Variants in PRIMA1 observed in about 807,000 individuals in gnomAD.
PRIMA1 encodes proline-rich membrane anchor 1.
Under a neutral mutation model 17.5 loss-of-function variants are expected in PRIMA1, and 7 were observed. The ratio of observed to expected loss-of-function variants is 0.40; its 90% CI spans 0.23 to 0.75. PRIMA1 has a LOEUF of 0.75. PRIMA1 is among the 30% of genes least tolerant of loss of function. The pLI, the probability that PRIMA1 is intolerant of heterozygous loss-of-function variation, is 0.37. For missense variants in PRIMA1, 200 were observed against 201.8 expected (o/e 0.99, Z 0.05); for synonymous variants, 97 against 77.9 (o/e 1.25, Z -1.29).
chr14:93,777,215 C>T (rs1408347400), intron 3 of PRIMA1, among the ~76,000 whole-genome samples: 1 of 152,222 alleles, frequency 6.6e-6, no homozygotes, highest in Non-Finnish European at 1.5e-5. Context: ...TTTCAAGCCA[C>T]TGAAGGGCTT....
intron 4 of PRIMA1, among the ~76,000 whole-genome samples, chr14:93,730,135 A>G (rs1005431992): frequency 6.6e-6 from 1 of 152,194 alleles, no homozygotes; most frequent in Non-Finnish European, 1.5e-5. Context: ...CACAGAAACC[A>G]CCACTGACCA....
intron 3 of PRIMA1, among the ~76,000 whole-genome samples, chr14:93,747,813 G>T (rs529279094): frequency 5.3e-5 from 8 of 150,280 alleles, no homozygotes; most frequent in Non-Finnish European, 7.4e-5. Context: ...GACTGAGTGT[G>T]TGGGAGTGTG....
intron 3 of PRIMA1, among the ~76,000 whole-genome samples, chr14:93,741,587 G>A (rs1295338677): frequency 1.3e-5 from 2 of 152,250 alleles, no homozygotes; most frequent in Non-Finnish European, 2.9e-5. Context: ...CTTTACCAGG[G>A]CTGGTGCTAG....
intron 3 of PRIMA1, among the ~76,000 whole-genome samples, chr14:93,752,929 T>C (rs1159316380): frequency 6.6e-6 from 1 of 152,220 alleles, no homozygotes; most frequent in East Asian, 1.9e-4. Context: ...TGGATAGTTC[T>C]TTATGGTTGG....
intron 3 of PRIMA1, among the ~76,000 whole-genome samples, chr14:93,745,378 G>A (rs978626877): frequency 2.0e-5 from 3 of 152,200 alleles, no homozygotes; most frequent in African/African-American, 7.2e-5. Context: ...AGAGTTGTCA[G>A]AGCCCCGGGT....
At chr14:93,782,647 G>A (rs1238709528) in intron 2 of PRIMA1, among the ~76,000 whole-genome samples, 1 of 152,152 alleles carries the variant, frequency 6.6e-6, no homozygotes, top group African/African-American at 2.4e-5. Context: ...AAAAATCAAT[G>A]GTTCTCAGTC....
chr14:93,727,468 G>C (rs946269922), intron 4 of PRIMA1, among the ~76,000 whole-genome samples: 1 of 152,210 alleles, frequency 6.6e-6, no homozygotes, highest in Admixed American at 6.5e-5. Context: ...TGTCCTTCAA[G>C]CCTCTGAGAT....
intron 3 of PRIMA1, among the ~76,000 whole-genome samples, chr14:93,739,535 T>C (rs1313583086): frequency 1.3e-5 from 2 of 152,234 alleles, no homozygotes; most frequent in East Asian, 1.9e-4. Context: ...TGATAAACTT[T>C]AGAAGGACAT....
At chr14:93,741,926 G>C (rs1024808208) in intron 3 of PRIMA1, among the ~76,000 whole-genome samples, 1 of 152,162 alleles carries the variant, frequency 6.6e-6, no homozygotes, top group East Asian at 1.9e-4. Context: ...GTGAGGCTTT[G>C]TCCGCTGTAT....
intron 2 of PRIMA1, among the ~76,000 whole-genome samples, chr14:93,784,724 T>A (rs1885472786): frequency 6.6e-6 from 1 of 152,190 alleles, no homozygotes; most frequent in African/African-American, 2.4e-5. Context: ...CCTTCATGTC[T>A]CAGCTGAAGC....
At chr14:93,765,804 C>T (rs1884878629) in intron 3 of PRIMA1, among the ~76,000 whole-genome samples, 1 of 152,198 alleles carries the variant, frequency 6.6e-6, no homozygotes, top group African/African-American at 2.4e-5. Flanking sequence ...CTGAAGACCT[C>T]CAATCCTAGC....
intron 3 of PRIMA1, among the ~76,000 whole-genome samples, chr14:93,740,428 G>C (rs1318134501): frequency 2.0e-5 from 3 of 152,218 alleles, no homozygotes; most frequent in Non-Finnish European, 4.4e-5. Context: ...CACTGCTGGA[G>C]AGTCAGAAAT....
chr14:93,759,918 G>C (rs1461429907), intron 3 of PRIMA1, among the ~76,000 whole-genome samples: 3 of 152,236 alleles, frequency 2.0e-5, no homozygotes, highest in African/African-American at 7.2e-5. Context: ...AGACAGGCTG[G>C]CCTGAGACAC....
intron 4 of PRIMA1, chr14:93,725,831 C>T: frequency 2.4e-6 from 1 of 408,446 alleles, no homozygotes; most frequent in Non-Finnish European, 4.9e-6. Context: ...GCACAGACTT[C>T]CTACCTAACG....
At chr14:93,761,382 T>C (rs1349568977) in intron 3 of PRIMA1, among the ~76,000 whole-genome samples, 1 of 152,168 alleles carries the variant, frequency 6.6e-6, no homozygotes, top group Non-Finnish European at 1.5e-5. Flanking sequence ...ACCTCTGTCC[T>C]ATGTAAGCTA....
At position 93,787,617 on chromosome 14, in the gene PRIMA1, G is replaced by A. The variant is rs1203068893; in HGVS notation, c.93+9C>T. The A allele has an allele frequency of 1.3e-6, 2 of 1,540,254 alleles. No homozygotes were observed. Among genetic ancestry groups the A allele is most frequent in the Non-Finnish European group, 1.7e-6 (2 of 1,146,768 alleles). On this transcript the variant is annotated intron_variant, in intron 2 of 4. Coordinates refer to ENST00000393140, the MANE Select transcript of PRIMA1 (RefSeq NM_178013.4). ...CCCTCCCAGCCAGTGCGCAGCCGGCGCGTCTCACCTGCACGAAGCCCCAGA... is the reference window on the plus strand; with the variant it reads ...CCCTCCCAGCCAGTGCGCAGCCGGCACGTCTCACCTGCACGAAGCCCCAGA...
chr14:93,723,092 G>A (rs927824896), intron 4 of PRIMA1, among the ~76,000 whole-genome samples: 3 of 152,054 alleles, frequency 2.0e-5, no homozygotes, highest in African/African-American at 7.3e-5. Context: ...AGTTGTTCAG[G>A]AGGGCTCTGG....
At chr14:93,733,429 G>A (rs1331637508) in intron 4 of PRIMA1, among the ~76,000 whole-genome samples, 1 of 152,190 alleles carries the variant, frequency 6.6e-6, no homozygotes, top group Non-Finnish European at 1.5e-5. Context: ...ACAGATGTGA[G>A]GGCCCTGCGG....
chr14:93,786,835 A>T (rs1250397111), intron 2 of PRIMA1, among the ~76,000 whole-genome samples: 2 of 152,202 alleles, frequency 1.3e-5, no homozygotes, highest in Non-Finnish European at 1.5e-5. Flanking sequence ...AGTAATCCTT[A>T]CATGCATTTA....
Sources: allele counts gnomAD v4.1 joint callset (sites outside exome capture counted in the v4.1 genomes callset), GRCh38; gene constraint gnomAD v4.1.1; transcripts MANE v1.5; gene names NCBI Gene and HGNC (gene_info 2026-07-23, HGNC 2026-07-21).